The following PCDHGB5 variants were observed in gnomAD, a reference collection of about 807,000 sequenced individuals.
PCDHGB5 encodes the protein protocadherin gamma-B5.
Under a neutral mutation model 62.9 loss-of-function variants are expected in PCDHGB5, and 48 were observed. The observed-to-expected ratio is 0.76, with a 90% CI of 0.61 to 0.97. The LOEUF (loss-of-function observed/expected upper bound fraction) is 0.97. PCDHGB5 is among the 50% of genes least tolerant of loss of function. PCDHGB5 has a pLI of 0.00. For missense variants in PCDHGB5, 1,118 were observed against 1,198.6 expected, an observed-to-expected ratio of 0.93 and a Z score of 0.99; for synonymous variants, 474 against 511.2, an observed-to-expected ratio of 0.93 and a Z score of 0.98.
intron 1 of PCDHGB5, among the ~76,000 whole-genome samples, chr5:141,449,205 A>G (rs991001366): frequency 6.6e-6 from 1 of 152,164 alleles, no homozygotes; most frequent in Admixed American, 6.5e-5. Context: ...GTTAATTCTA[A>G]CTTTCTGTTT....
At chr5:141,505,913 T>C (rs1457583355) in intron 3 of PCDHGB5, among the ~76,000 whole-genome samples, 1 of 152,098 alleles carries the variant, frequency 6.6e-6, no homozygotes, top group African/African-American at 2.4e-5. Context: ...AAGCATAGAG[T>C]TCTGGGCCTG....
Position 141,476,023 on chromosome 5 carries a change from G to A in PCDHGB5, c.2398-18784G>A. 1 of 1,415,690 alleles carries A rather than the reference G, an allele frequency of 7.1e-7. No homozygotes were observed. The highest frequency in any genetic ancestry group is 2.3e-5 in the Admixed American group (1 of 43,980). 87.7% of individuals were successfully genotyped at this position (1,415,690 alleles called of 1,614,324 possible). A position where few individuals can be genotyped will look rare whatever the true frequency, so the allele number is the denominator to read the frequency against. ...CATCCAGAAAGCCATGTCGGACTCG[G>A]CGCCCAGCGCCCAAGCGCTAACCCG... On this transcript the variant is annotated intron_variant, in intron 1 of 3. Coordinates refer to ENST00000617380, the MANE Select transcript of PCDHGB5 (RefSeq NM_018925.3). This position sits in a 1 kb window ranked among gnomAD's most constrained non-coding sequence, Gnocchi z 7.6.
chr5:141,465,966 C>CA (rs2099113454), intron 1 of PCDHGB5, among the ~76,000 whole-genome samples: 1 of 151,802 alleles, frequency 6.6e-6, no homozygotes, highest in Non-Finnish European at 1.5e-5. Flanking sequence ...ACTAAAAATA[C>CA]AAAAAATTAG....
intron 1 of PCDHGB5, among the ~76,000 whole-genome samples, chr5:141,401,626 C>T (rs1476531463): frequency 6.6e-6 from 1 of 152,174 alleles, no homozygotes; most frequent in Non-Finnish European, 1.5e-5. Flanking sequence ...TTTGTCTTAT[C>T]GTTTGGAGCT....
At chr5:141,463,834 A>G (rs1212299231) in intron 1 of PCDHGB5, among the ~76,000 whole-genome samples, 4 of 152,108 alleles carry the variant, frequency 2.6e-5, no homozygotes, top group East Asian at 1.9e-4. Flanking sequence ...TCCACTTCCC[A>G]GTTGTTATAG....
chr5:141,426,873 C>T (rs1299082117), intron 1 of PCDHGB5: 1 of 456,702 alleles, frequency 2.2e-6, no homozygotes, highest in East Asian at 6.9e-5. Context: ...GCTGGAGAAG[C>T]CCCTGGGCCA....
At chr5:141,463,653 G>T (rs1378583183) in intron 1 of PCDHGB5, among the ~76,000 whole-genome samples, 1 of 151,764 alleles carries the variant, frequency 6.6e-6, no homozygotes. Context: ...GGGTTTCACC[G>T]TGTTAGCCAG....
intron 1 of PCDHGB5, among the ~76,000 whole-genome samples, chr5:141,446,182 G>A (rs1411996595): frequency 6.6e-6 from 1 of 152,118 alleles, no homozygotes; most frequent in African/African-American, 2.4e-5. Flanking sequence ...GGGGTGTTTT[G>A]TTTATTATTA....
intron 1 of PCDHGB5, chr5:141,427,761 G>A (rs1228905550): frequency 3.7e-6 from 5 of 1,366,246 alleles, no homozygotes; most frequent in Non-Finnish European, 4.1e-6. Flanking sequence ...CGTTACCACT[G>A]ACTTGGAGCT....
intron 3 of PCDHGB5, among the ~76,000 whole-genome samples, chr5:141,507,590 T>C (rs531629336): frequency 1.3e-5 from 2 of 152,374 alleles, no homozygotes; most frequent in African/African-American, 4.8e-5. Context: ...AGTTGGCCTC[T>C]TGAGGGAAAT....
intron 2 of PCDHGB5, among the ~76,000 whole-genome samples, chr5:141,502,723 G>C (rs771399677): frequency 3.9e-5 from 6 of 152,124 alleles, no homozygotes; most frequent in Non-Finnish European, 8.8e-5. Flanking sequence ...TGATTACAAA[G>C]CGGTGATGTT....
Position 141,477,439 on chromosome 5 carries a change from A to C in PCDHGB5, c.2398-17368A>C. 1 of 1,614,142 alleles carries C rather than the reference A, an allele frequency of 6.2e-7. No homozygotes were observed. Among genetic ancestry groups the C allele is most frequent in the Non-Finnish European group, 8.5e-7 (1 of 1,180,016 alleles). On this transcript the variant is annotated intron_variant, in intron 1 of 3. Transcript: ENST00000617380. This position sits in a 1 kb window ranked among gnomAD's most constrained non-coding sequence, Gnocchi z 4.9. ...GAACCCCTTCCCTCTCAGCCCTTAC[A>C]ATAGTGCGTGTTCAAGTGTCCGACA... is the stretch of plus-strand genomic sequence containing the variant.
chr5:141,490,417 C>A lies in PCDHGB5; in HGVS notation c.2398-4390C>A, dbSNP rs767996336. ...AGTGAGCCTTGATATCTCTCCGGAC[C>A]TGCCATTTCAGATTAAGCCTTCTGA... On this transcript the variant is annotated intron_variant, in intron 1 of 3. Transcript: ENST00000617380. The surrounding 1 kb of genome is among the most constrained non-coding windows in gnomAD (Gnocchi z 5.4). 4.3e-6 allele frequency: 7 copies of A among 1,614,196 alleles called. No homozygotes were observed. In the South Asian group the frequency reaches 7.7e-5, roughly 18 times the overall value.
At chr5:141,441,638 G>A (rs1456506194) in intron 1 of PCDHGB5, 2 of 226,008 alleles carry the variant, frequency 8.8e-6, no homozygotes, top group Non-Finnish European at 1.8e-5. Flanking sequence ...AGCCACAGGC[G>A]CTGTGATTCT....
Position 141,398,400 on chromosome 5 carries a change from C to T in PCDHGB5, c.273C>T (p.Asp91=). 6.8e-7 allele frequency: 1 copy of T among 1,465,224 alleles called. No individual in the cohort carries two copies. The highest frequency in any genetic ancestry group is 9.5e-7 in the Non-Finnish European group (1 of 1,055,200). 90.8% of individuals were successfully genotyped at this position (1,465,224 alleles called of 1,614,324 possible). A position where few individuals can be genotyped will look rare whatever the true frequency, so the allele number is the denominator to read the frequency against. ...AGTTGCTTGTGAGCAGCAGGCTAGA[C>T]AGGGAGGAGATATGCGGGAAGAAGC... ...SGELLVSSRL[D]REEICGKKPA... is the part of the protein sequence containing the mutation. Residue 91 remains aspartate (D), a synonymous_variant, in exon 1 of 4, where the codon GAC becomes GAT. Transcript: ENST00000617380.
chr5:141,431,093 G>A lies in PCDHGB5; in HGVS notation c.2397+30569G>A. 6.2e-7 allele frequency: 1 copy of A among 1,614,250 alleles called. No individual in the cohort carries two copies. The highest frequency in any genetic ancestry group is 8.5e-7 in the Non-Finnish European group (1 of 1,180,032). On this transcript the variant is annotated intron_variant, in intron 1 of 3. Transcript: ENST00000617380. The surrounding 1 kb of genome is among the most constrained non-coding windows in gnomAD (Gnocchi z 4.8). Reference sequence around the variant, plus strand: ...ATTAAATCTAGACATTCTGATGGAGGATAAAGTGAAAATATATGGAGTAGA... The same window carrying A: ...ATTAAATCTAGACATTCTGATGGAGAATAAAGTGAAAATATATGGAGTAGA...
intron 1 of PCDHGB5, chr5:141,415,947 C>G: frequency 1.9e-6 from 1 of 532,382 alleles, no homozygotes; most frequent in Non-Finnish European, 2.8e-6. Flanking sequence ...CCTGGGTGGT[C>G]ACATATTGAA....
In PCDHGB5 at chr5:141,431,265, G is replaced by T; in HGVS notation, c.2397+30741G>T. On this transcript the variant is annotated intron_variant, in intron 1 of 3. Transcript: ENST00000617380. The surrounding 1 kb of genome is among the most constrained non-coding windows in gnomAD (Gnocchi z 4.8). ...GATATCGGGAAGAACTCTCTGCAGAGCTACGAGCTCAGCCCGAACACTCAC... is the reference window on the plus strand; with the variant it reads ...GATATCGGGAAGAACTCTCTGCAGATCTACGAGCTCAGCCCGAACACTCAC... 1 of 1,614,168 alleles carries T rather than the reference G, an allele frequency of 6.2e-7. No homozygotes were observed. The highest frequency in any genetic ancestry group is 8.5e-7 in the Non-Finnish European group (1 of 1,180,054).
Position 141,485,098 on chromosome 5 carries a change from A to G in PCDHGB5, c.2398-9709A>G, listed in dbSNP as rs2099606903. ...CGGGGAAAGGGAGATAGGTGTCTCCAGCTGCTGTGGCTGTTTGGGGCGGGT... is the reference window on the plus strand; with the variant it reads ...CGGGGAAAGGGAGATAGGTGTCTCCGGCTGCTGTGGCTGTTTGGGGCGGGT... On this transcript the variant is annotated intron_variant, in intron 1 of 3. Transcript: ENST00000617380. This position sits in a 1 kb window ranked among gnomAD's most constrained non-coding sequence, Gnocchi z 5.7. 8.8e-7 allele frequency: 1 copy of G among 1,134,792 alleles called. No individual in the cohort carries two copies. Among genetic ancestry groups the G allele is most frequent in the South Asian group, 1.4e-5 (1 of 71,796 alleles). The allele number at this position is 1,134,792 out of a possible 1,614,324, so 70.3% of individuals were successfully genotyped here. A position where few individuals can be genotyped will look rare whatever the true frequency, so the allele number is the denominator to read the frequency against.
Sources: allele counts gnomAD v4.1 joint callset (sites outside exome capture counted in the v4.1 genomes callset), GRCh38; gene constraint gnomAD v4.1.1; non-coding constraint Gnocchi (gnomAD v3.1); transcripts MANE v1.5; gene names NCBI Gene and HGNC (gene_info 2026-07-23, HGNC 2026-07-21).